Variants in TMOD1 observed in about 807,000 individuals in gnomAD.
The protein encoded by TMOD1 is tropomodulin 1, also known as tropomodulin-1.
In TMOD1, 17 loss-of-function variants were observed where a neutral mutation model predicts 40.6. That is an observed-to-expected ratio of 0.42 (90% CI 0.29 to 0.63). TMOD1 has a LOEUF of 0.63. Among genes scored for constraint, TMOD1 ranks in the 20% least tolerant of loss-of-function variants. The pLI is 0.22. For synonymous variants in TMOD1, 181 were observed against 175.0 expected, an observed-to-expected ratio of 1.03 and a Z score of -0.27; for missense variants, 391 against 447.6, an observed-to-expected ratio of 0.87 and a Z score of 1.14.
chr9:97,561,176 C>T (rs547131312), intron 4 of TMOD1, among the ~76,000 whole-genome samples: 9 of 152,326 alleles, frequency 5.9e-5, no homozygotes, highest in East Asian at 1.9e-4. Flanking sequence ...GAGTTCTCAA[C>T]ACAATAATCA....
chr9:97,510,635 T>G (rs1056178584), intron 1 of TMOD1, among the ~76,000 whole-genome samples: 2 of 152,238 alleles, frequency 1.3e-5, no homozygotes, highest in Admixed American at 6.5e-5. Flanking sequence ...CGAATATGTC[T>G]TCAGCACTGG....
intron 3 of TMOD1, among the ~76,000 whole-genome samples, chr9:97,550,378 A>G (rs909472757): frequency 2.2e-4 from 34 of 152,276 alleles, no homozygotes; most frequent in African/African-American, 7.9e-4. Context: ...ATTCTTTGGG[A>G]GTATATACCT....
At chr9:97,541,048 A>G (rs1046660500) in intron 2 of TMOD1, among the ~76,000 whole-genome samples, 12 of 152,248 alleles carry the variant, frequency 7.9e-5, no homozygotes, top group Admixed American at 7.9e-4. Flanking sequence ...TGGCTGTGAA[A>G]TGGTATCTCA....
At chr9:97,547,692 A>G (rs1830387553) in intron 3 of TMOD1, among the ~76,000 whole-genome samples, 1 of 152,230 alleles carries the variant, frequency 6.6e-6, no homozygotes, top group South Asian at 2.1e-4. Context: ...TACTCTGTTC[A>G]GGACAGGCAG....
chr9:97,592,631 G>A (rs1352320592), intron 9 of TMOD1, among the ~76,000 whole-genome samples: 2 of 152,146 alleles, frequency 1.3e-5, no homozygotes, highest in Non-Finnish European at 1.5e-5. Flanking sequence ...CTGAGGCCAG[G>A]TCACTACCTG....
intron 4 of TMOD1, chr9:97,555,737 C>A (rs1175514803): frequency 4.8e-6 from 7 of 1,471,146 alleles, no homozygotes; most frequent in Non-Finnish European, 2.8e-6. Context: ...GACCTTATTG[C>A]ATTTATTGAC....
intron 2 of TMOD1, among the ~76,000 whole-genome samples, chr9:97,537,939 A>T (rs1830209144): frequency 6.6e-6 from 1 of 152,208 alleles, no homozygotes; most frequent in African/African-American, 2.4e-5. Flanking sequence ...TTATGGGCTG[A>T]GTCTGCCTTG....
intron 8 of TMOD1, among the ~76,000 whole-genome samples, chr9:97,578,066 C>T (rs1825651852): frequency 6.6e-6 from 1 of 151,824 alleles, no homozygotes; most frequent in South Asian, 2.1e-4. Flanking sequence ...TTTGACATCT[C>T]TTTTTTTGGA....
intron 9 of TMOD1, among the ~76,000 whole-genome samples, chr9:97,595,509 T>C (rs1316858744): frequency 6.6e-6 from 1 of 151,808 alleles, no homozygotes; most frequent in Non-Finnish European, 1.5e-5. Context: ...ATTCCACTCA[T>C]GTGGTTGCAA....
chr9:97,543,787 C>T (rs958812278), intron 2 of TMOD1, among the ~76,000 whole-genome samples: 5 of 152,174 alleles, frequency 3.3e-5, no homozygotes, highest in South Asian at 2.1e-4. Context: ...GAAGAGAAGG[C>T]GTGGGCACAC....
At chr9:97,539,763 G>A (rs1173162642) in intron 2 of TMOD1, among the ~76,000 whole-genome samples, 5 of 152,054 alleles carry the variant, frequency 3.3e-5, no homozygotes, top group South Asian at 2.1e-4. Flanking sequence ...TCAGGAGATC[G>A]AGACCATCCT....
rs1041510644 is a variant in TMOD1, at chr9:97,524,261, G to C, written c.73G>C (p.Glu25Gln). 9.9e-6 allele frequency: 16 copies of C among 1,614,208 alleles called. No individual in the cohort carries two copies. The highest frequency in any genetic ancestry group is 2.2e-5 in the East Asian group (1 of 44,884). The change falls in exon 2 of 10, where the codon GAA becomes CAA. Residue 25 changes from glutamate (E) to glutamine (Q), a missense_variant. Physicochemically the swap from Glu to Gln is conservative, Grantham distance 29. Coordinates refer to ENST00000259365, the MANE Select transcript of TMOD1 (RefSeq NM_003275.4). ...TGAAATCCTTGGAGCCCTAACAGAG[G>C]AAGAGCTGAGGACCCTGGAAAATGA... ...EDEILGALTE[E>Q]ELRTLENELD...
In TMOD1 at chr9:97,591,374, C is replaced by T. The variant is rs1359391323; in HGVS notation, c.954C>T (p.His318=). ...KNATLLKFGY[H]FTQQGPRLRA... ...CAACACTTCTCAAATTCGGCTACCA[C>T]TTTACCCAGCAAGGACCCCGGCTTC... Residue 318 remains histidine (H), a synonymous_variant, in exon 9 of 10, where the codon CAC becomes CAT. Coordinates refer to ENST00000259365, the MANE Select transcript of TMOD1 (RefSeq NM_003275.4). 2 of 1,614,092 alleles carry T rather than the reference C, an allele frequency of 1.2e-6. No individual in the cohort carries two copies. Among genetic ancestry groups the T allele is most frequent in the Non-Finnish European group, 1.7e-6 (2 of 1,180,052 alleles).
At chr9:97,504,819 G>T (rs545046544) in intron 1 of TMOD1, among the ~76,000 whole-genome samples, 22 of 152,204 alleles carry the variant, frequency 1.4e-4, no homozygotes, top group African/African-American at 4.8e-4. Context: ...TCAATGTTTT[G>T]ACTTTTCAGT....
chr9:97,586,539 C>G (rs1184494902), intron 8 of TMOD1, among the ~76,000 whole-genome samples: 1 of 151,606 alleles, frequency 6.6e-6, no homozygotes, highest in South Asian at 2.1e-4. Context: ...CCACCCAGTT[C>G]GAGCTTCCCG....
At chr9:97,529,645 C>T (rs944435456) in intron 2 of TMOD1, among the ~76,000 whole-genome samples, 1 of 152,124 alleles carries the variant, frequency 6.6e-6, no homozygotes, top group African/African-American at 2.4e-5. Context: ...GCTTCATGTG[C>T]TAAAAGTATC....
intron 8 of TMOD1, among the ~76,000 whole-genome samples, chr9:97,572,745 T>G (rs1039188391): frequency 4.6e-5 from 7 of 152,242 alleles, no homozygotes; most frequent in Non-Finnish European, 8.8e-5. Context: ...AGCAAGTCTC[T>G]GTCCTTCTTT....
chr9:97,521,712 C>T (rs995539679), intron 1 of TMOD1, among the ~76,000 whole-genome samples: 1 of 152,158 alleles, frequency 6.6e-6, no homozygotes, highest in African/African-American at 2.4e-5. Flanking sequence ...CTGAGCCATT[C>T]TGAGAGAAAA....
chr9:97,601,093 C>T lies in TMOD1; in HGVS notation c.*1395C>T. 2 of 1,304,310 alleles carry T rather than the reference C, an allele frequency of 1.5e-6. No individual in the cohort carries two copies. Among genetic ancestry groups the T allele is most frequent in the Non-Finnish European group, 2.0e-6 (2 of 988,958 alleles). The allele number at this position is 1,304,310 out of a possible 1,614,324, so 80.8% of individuals were successfully genotyped here. ...GTAACTGGAGGCGGGGCCAGGGCCT[C>T]AGCGCTATGGAAGAGTGTCCACTGA... On this transcript the variant is annotated 3_prime_UTR_variant, in exon 10 of 10. Transcript: ENST00000259365.
Sources: allele counts gnomAD v4.1 joint callset (sites outside exome capture counted in the v4.1 genomes callset), GRCh38; gene constraint gnomAD v4.1.1; transcripts MANE v1.5; gene names NCBI Gene and HGNC (gene_info 2026-07-23, HGNC 2026-07-21).